Variants in RNF175 observed in about 807,000 individuals in gnomAD.
RNF175 encodes the protein ring finger protein 175.
A neutral mutation model predicts 50.0 loss-of-function variants in RNF175; 38 were observed. The ratio of observed to expected loss-of-function variants is 0.76; its 90% CI spans 0.59 to 1.00. The LOEUF is 1.00. RNF175 is among the 50% of genes least tolerant of loss of function. The pLI is 0.00. For missense variants in RNF175, 388 were observed against 409.6 expected (o/e 0.95, Z 0.46); for synonymous variants, 155 against 146.1 (o/e 1.06, Z -0.44).
At chr4:153,755,965 A>C (rs934078753) in intron 1 of RNF175, among the ~76,000 whole-genome samples, 4 of 152,206 alleles carry the variant, frequency 2.6e-5, no homozygotes, top group African/African-American at 9.7e-5. Context: ...ATCTGAGCCT[A>C]TTTATGTAAA....
chr4:153,726,117 T>C (rs1488835188), intron 4 of RNF175, among the ~76,000 whole-genome samples: 2 of 152,036 alleles, frequency 1.3e-5, no homozygotes. Context: ...TGTTTTGTTT[T>C]GTTTTTGAGG....
chr4:153,751,467 A>G lies in RNF175; in HGVS notation c.75T>C (p.His25=). 2 of 1,558,226 alleles carry G rather than the reference A, an allele frequency of 1.3e-6. No homozygotes were observed. The highest frequency in any genetic ancestry group is 1.7e-6 in the Non-Finnish European group (2 of 1,150,926). Residue 25 remains histidine (H), a synonymous_variant, in exon 2 of 9, where the codon CAT becomes CAC. Coordinates refer to ENST00000347063, the MANE Select transcript of RNF175 (RefSeq NM_173662.4). The part of the protein sequence containing the change: ...EAPPQQEQLS[H]TKLSAEDTWN... ...ATGTGTCTTCTGCAGAAAGCTTTGT[A>G]TGAGAGAGCTGAAAAACATAAAAAG...
intron 3 of RNF175, among the ~76,000 whole-genome samples, chr4:153,740,538 A>T (rs929244974): frequency 1.2e-4 from 19 of 152,208 alleles, no homozygotes; most frequent in Admixed American, 2.6e-4. Flanking sequence ...GTGCAATAGA[A>T]TACCAGAATT....
rs1560802787 is a variant in RNF175 at position 153,759,973 on chromosome 4, C to G, written c.-111G>C. On this transcript the variant is annotated 5_prime_UTR_variant, in exon 1 of 9. Transcript: ENST00000347063. ...CGGGAGCCGAGGGTGAGAGCCGGAT[C>G]TGCGGCGGCGGCGGAGCGGCGGCCC... 2 of 602,288 alleles carry G rather than the reference C, an allele frequency of 3.3e-6. No homozygotes were observed. Among genetic ancestry groups the G allele is most frequent in the Non-Finnish European group, 5.0e-6 (2 of 403,742 alleles). 37.3% of individuals were successfully genotyped at this position (602,288 alleles called of 1,614,324 possible). A position where few individuals can be genotyped will look rare whatever the true frequency, so the allele number is the denominator to read the frequency against.
intron 3 of RNF175, among the ~76,000 whole-genome samples, chr4:153,739,823 A>T (rs1739554045): frequency 6.6e-6 from 1 of 151,950 alleles, no homozygotes. Flanking sequence ...CCAGGTATAG[A>T]TTTCTTGGTA....
At position 153,759,967 on chromosome 4, in the gene RNF175, C is replaced by G; in HGVS notation, c.-105G>C. 1.6e-6 allele frequency: 1 copy of G among 634,768 alleles called. No individual in the cohort carries two copies. The highest frequency in any genetic ancestry group is 4.6e-5 in the South Asian group (1 of 21,744). The allele number at this position is 634,768 out of a possible 1,614,324, so 39.3% of individuals were successfully genotyped here. Reference sequence around the variant, plus strand: ...GGGCCTCGGGAGCCGAGGGTGAGAGCCGGATCTGCGGCGGCGGCGGAGCGG... The same window carrying G: ...GGGCCTCGGGAGCCGAGGGTGAGAGGCGGATCTGCGGCGGCGGCGGAGCGG... On this transcript the variant is annotated 5_prime_UTR_variant, in exon 1 of 9. Transcript: ENST00000347063.
intron 6 of RNF175, among the ~76,000 whole-genome samples, chr4:153,716,063 C>CAAAAAAAAAAAAAAAAAAAAAAAA: frequency 1.1e-5 from 1 of 94,190 alleles, no homozygotes; most frequent in Non-Finnish European, 2.0e-5. Context: ...GACTCTGTCT[C>CAAAAAAAAAAAAAAAAAAAAAAAA]AAAAAAAAAA....
Position 153,718,230 on chromosome 4 carries a change from G to GTTTTTTTTT in RNF175, c.630+1953_630+1954insAAAAAAAAA, listed in dbSNP as rs1272804247. ...AGGAGTTTTTTTTGTTTGTTTGTTT[G>GTTTTTTTTT]TTTGTTTGTTTTTTTTTTTTTTGAA... On this transcript the variant is annotated intron_variant, in intron 6 of 8. Transcript: ENST00000347063. Among the ~76,000 whole-genome samples the GTTTTTTTTT allele has an allele frequency of 1.2e-3, 37 of 31,856 alleles. 1 individual carries two copies. Among genetic ancestry groups the GTTTTTTTTT allele is most frequent in the East Asian group, 4.7e-3 (3 of 642 alleles). 20.9% of individuals were successfully genotyped at this position (31,856 alleles called of 152,430 possible).
At position 153,720,250 on chromosome 4, in the gene RNF175, G is replaced by A. The variant is rs761457312; in HGVS notation, c.564C>T (p.Leu188=). 7 of 1,613,190 alleles carry A rather than the reference G, an allele frequency of 4.3e-6. No individual in the cohort carries two copies. The South Asian group carries it at 7.7e-5, about 18-fold the overall frequency. ...DFGIVSLFYG[L]YYGVMGRDFA... The stretch of plus-strand genomic sequence containing the variant: ...AGTCTCTCCCCATTACTCCATAGTA[G>A]AGGCCGTAGAACAAAGACACAATGC... The change falls in exon 6 of 9, where the codon CTC becomes CTT. Residue 188 remains leucine (L), a synonymous_variant. Coordinates refer to ENST00000347063, the MANE Select transcript of RNF175 (RefSeq NM_173662.4).
chr4:153,728,319 T>C lies in RNF175; in HGVS notation c.289A>G (p.Thr97Ala). 1 of 1,613,668 alleles carries C rather than the reference T, an allele frequency of 6.2e-7. No homozygotes were observed. The highest frequency in any genetic ancestry group is 8.5e-7 in the Non-Finnish European group (1 of 1,179,652). The part of the protein sequence containing the change: ...LQMWVVPLYF[T>A]IKLYWWRFLS... The stretch of plus-strand genomic sequence containing the variant: ...AACCGCCACCAGTATAATTTTATCG[T>C]GAAATATAAGGGGACAACCCACATC... Residue 97 changes from threonine (T) to alanine (A), a missense_variant, in exon 4 of 9, where the codon ACG becomes GCG. Thr to Ala is a moderately conservative substitution (Grantham distance 58). Transcript: ENST00000347063.
At chr4:153,753,537 A>G (rs1290099268) in intron 1 of RNF175, among the ~76,000 whole-genome samples, 1 of 139,992 alleles carries the variant, frequency 7.1e-6, no homozygotes, top group Non-Finnish European at 1.6e-5. Context: ...CTGTGTTTTT[A>G]TCTTTTCTCT....
chr4:153,744,538 C>A (rs1029491011), intron 3 of RNF175, among the ~76,000 whole-genome samples: 2 of 152,118 alleles, frequency 1.3e-5, no homozygotes, highest in Admixed American at 6.6e-5. Flanking sequence ...TATGCAAAAT[C>A]CACACCTGTA....
chr4:153,728,110 C>A (rs1164305583), intron 4 of RNF175, 97 bp downstream of exon 4: 2 of 783,944 alleles, frequency 2.6e-6, no homozygotes, highest in Non-Finnish European at 3.7e-6. Context: ...AGAAATGTAA[C>A]CCCCCCACTC....
chr4:153,752,190 C>T (rs768178433), intron 1 of RNF175, among the ~76,000 whole-genome samples: 1 of 152,206 alleles, frequency 6.6e-6, no homozygotes, highest in Non-Finnish European at 1.5e-5. Flanking sequence ...ATTGGAAAGA[C>T]GTAATCGTGT....
chr4:153,728,704 T>G (rs778931884), intron 3 of RNF175, among the ~76,000 whole-genome samples: 6 of 152,200 alleles, frequency 3.9e-5, no homozygotes, highest in Non-Finnish European at 8.8e-5. Flanking sequence ...GGGGTACAGA[T>G]GCTTGCACTG....
At chr4:153,733,102 C>T (rs1008274582) in intron 3 of RNF175, among the ~76,000 whole-genome samples, 1 of 152,084 alleles carries the variant, frequency 6.6e-6, no homozygotes, top group African/African-American at 2.4e-5. Context: ...CTACAGACCG[C>T]AGAACATAAT....
At chr4:153,722,909 A>G (rs1227385594) in intron 5 of RNF175, among the ~76,000 whole-genome samples, 2 of 152,196 alleles carry the variant, frequency 1.3e-5, no homozygotes, top group Non-Finnish European at 2.9e-5. Flanking sequence ...CTTAGAGTAC[A>G]TCTTATTTCA....
At chr4:153,730,219 T>C (rs1337509126) in intron 3 of RNF175, among the ~76,000 whole-genome samples, 1 of 152,034 alleles carries the variant, frequency 6.6e-6, no homozygotes, top group Non-Finnish European at 1.5e-5. Flanking sequence ...CGGGGGTGGA[T>C]GAATTTCTTG....
chr4:153,719,354 A>G (rs1738181949), intron 6 of RNF175, among the ~76,000 whole-genome samples: 1 of 152,158 alleles, frequency 6.6e-6, no homozygotes, highest in Non-Finnish European at 1.5e-5. Context: ...CCAGTCTATC[A>G]TTGATGGGTT....
Sources: allele counts gnomAD v4.1 joint callset (sites outside exome capture counted in the v4.1 genomes callset), GRCh38; gene constraint gnomAD v4.1.1; transcripts MANE v1.5; gene names NCBI Gene and HGNC (gene_info 2026-07-23, HGNC 2026-07-21).